The following ADGRB3 variants were observed in gnomAD, a reference collection of about 807,000 sequenced individuals.
ADGRB3 encodes adhesion G protein-coupled receptor B3, also known as brain-specific angiogenesis inhibitor 3.
Under a neutral mutation model 193.4 loss-of-function variants are expected in ADGRB3, and 37 were observed. The observed-to-expected ratio is 0.19, with a 90% CI of 0.15 to 0.25. The LOEUF (loss-of-function observed/expected upper bound fraction) is 0.25. ADGRB3 is among the 10% of genes least tolerant of loss of function. ADGRB3 has a pLI of 1.00. For missense variants in ADGRB3, 1,637 were observed against 1,852.9 expected (o/e 0.88, Z 2.14); for synonymous variants, 690 against 644.2 (o/e 1.07, Z -1.08).
intron 17 of ADGRB3, among the ~76,000 whole-genome samples, chr6:69,092,006 T>C (rs915753777): frequency 6.6e-6 from 1 of 152,194 alleles, no homozygotes; most frequent in Non-Finnish European, 1.5e-5. Flanking sequence ...ATGTGGCCCC[T>C]CTTCCTGAGC....
intron 3 of ADGRB3, among the ~76,000 whole-genome samples, chr6:68,811,100 A>G (rs1767504765): frequency 6.6e-6 from 1 of 152,122 alleles, no homozygotes; most frequent in African/African-American, 2.4e-5. Flanking sequence ...AGTCTTCCAA[A>G]GTTGATTAAA....
At chr6:68,671,938 T>C (rs1228911189) in intron 3 of ADGRB3, among the ~76,000 whole-genome samples, 1 of 151,976 alleles carries the variant, frequency 6.6e-6, no homozygotes, top group African/African-American at 2.4e-5. Flanking sequence ...GCTTCGATCT[T>C]GTTGTTTATT....
At chr6:69,372,347 G>T in intron 29 of ADGRB3, 59 bp from the exon 30 acceptor site, 1 of 964,360 alleles carries the variant, frequency 1.0e-6, no homozygotes, top group South Asian at 1.9e-5. Context: ...CATTTTGTTT[G>T]AATGACTAAA....
intron 3 of ADGRB3, among the ~76,000 whole-genome samples, chr6:68,730,627 TG>T (rs1414230136): frequency 6.6e-6 from 1 of 151,710 alleles, no homozygotes; most frequent in Admixed American, 6.6e-5. Context: ...TCTTGCTTTT[TG>T]GTCGTTGCTA....
intron 3 of ADGRB3, among the ~76,000 whole-genome samples, chr6:68,668,516 T>A (rs911337336): frequency 6.6e-5 from 10 of 152,006 alleles, no homozygotes; most frequent in African/African-American, 2.4e-4. Flanking sequence ...ATCAGTTTAA[T>A]GAAGAAATAT....
chr6:69,369,551 A>G (rs890421287), intron 29 of ADGRB3, among the ~76,000 whole-genome samples: 6 of 152,018 alleles, frequency 3.9e-5, no homozygotes, highest in Non-Finnish European at 8.8e-5. Flanking sequence ...TGCAAAACTT[A>G]ACCAGGTGTT....
intron 3 of ADGRB3, among the ~76,000 whole-genome samples, chr6:68,847,349 G>A: frequency 6.6e-6 from 1 of 152,170 alleles, no homozygotes; most frequent in East Asian, 1.9e-4. Flanking sequence ...GTTTTAAAAT[G>A]TGAGGACATG....
Position 68,659,234 on chromosome 6 carries a change from G to A in ADGRB3, c.757+19802G>A, listed in dbSNP as rs906651874. On this transcript the variant is annotated intron_variant, in intron 3 of 31. Transcript: ENST00000370598. ...TGATGCAATTTTTTTTAAATGATAA[G>A]TGATTCAATGTTTTGGGGATGTGAC... 1.2e-4 allele frequency among the ~76,000 whole-genome samples: 18 copies of A among 150,508 alleles called. No homozygotes were observed. In the Admixed American group the frequency reaches 1.2e-3, roughly 10 times the overall value.
At chr6:69,000,417 T>C (rs910148509) in intron 11 of ADGRB3, among the ~76,000 whole-genome samples, 10 of 152,220 alleles carry the variant, frequency 6.6e-5, no homozygotes, top group Non-Finnish European at 1.5e-4. Context: ...ATGTATGTTG[T>C]TGATGCACTA....
chr6:69,063,014 T>C lies in ADGRB3; in HGVS notation c.2414T>C (p.Ile805Thr). The change falls in exon 16 of 32, where the codon ATA (isoleucine) becomes ACA (threonine). Residue 805 changes from isoleucine (I) to threonine (T), a missense_variant. Coordinates refer to ENST00000370598, the MANE Select transcript of ADGRB3 (RefSeq NM_001704.3). ...AAAACAACCGATTCGTTTCTGGAGA[T>C]AGAACTAGCTCATTTGGCTAATGTA... ...EPKTTDSFLE[I>T]ELAHLANGTL... 1 of 1,611,912 alleles carries C rather than the reference T, an allele frequency of 6.2e-7. No homozygotes were observed. The highest frequency in any genetic ancestry group is 8.5e-7 in the Non-Finnish European group (1 of 1,178,470).
At chr6:68,842,204 A>C (rs910796984) in intron 3 of ADGRB3, among the ~76,000 whole-genome samples, 1 of 151,972 alleles carries the variant, frequency 6.6e-6, no homozygotes, top group African/African-American at 2.4e-5. Context: ...AATTGAAATG[A>C]AGAAAATAAT....
At chr6:68,763,406 A>T (rs1197949252) in intron 3 of ADGRB3, among the ~76,000 whole-genome samples, 1 of 152,158 alleles carries the variant, frequency 6.6e-6, no homozygotes, top group African/African-American at 2.4e-5. Context: ...TTTAACTGTT[A>T]TACTTTAATC....
chr6:69,020,104 GGTA>G (rs958859642), intron 13 of ADGRB3, among the ~76,000 whole-genome samples: 1 of 151,924 alleles, frequency 6.6e-6, no homozygotes, highest in African/African-American at 2.4e-5. Context: ...TTGGACAATT[GGTA>G]AAGTAATTTA....
chr6:69,021,472 G>C (rs1582399666), intron 13 of ADGRB3, among the ~76,000 whole-genome samples: 1 of 151,916 alleles, frequency 6.6e-6, no homozygotes, highest in East Asian at 1.9e-4. Context: ...CTAGTTACTG[G>C]ATTAGATAGA....
At chr6:69,300,951 G>T (rs1020141188) in intron 20 of ADGRB3, among the ~76,000 whole-genome samples, 7 of 151,754 alleles carry the variant, frequency 4.6e-5, no homozygotes, top group Admixed American at 1.3e-4. Flanking sequence ...GTGCAGAGAT[G>T]TAGGAAGAGT....
chr6:69,287,470 A>G (rs887048470), intron 20 of ADGRB3, among the ~76,000 whole-genome samples: 21 of 152,208 alleles, frequency 1.4e-4, no homozygotes, highest in African/African-American at 4.6e-4. Flanking sequence ...CTGAATCTAC[A>G]TGTAACAGAA....
intron 3 of ADGRB3, among the ~76,000 whole-genome samples, chr6:68,789,571 T>C (rs1767056680): frequency 6.6e-6 from 1 of 152,230 alleles, no homozygotes; most frequent in Non-Finnish European, 1.5e-5. Context: ...GACCTTTCTC[T>C]CTGGCTGCCC....
intron 3 of ADGRB3, among the ~76,000 whole-genome samples, chr6:68,714,236 A>G (rs971248950): frequency 8.6e-5 from 13 of 151,862 alleles, no homozygotes; most frequent in South Asian, 2.1e-4. Flanking sequence ...CACTACTTAT[A>G]TATTATTTTA....
intron 3 of ADGRB3, among the ~76,000 whole-genome samples, chr6:68,759,878 A>G (rs1159150361): frequency 1.3e-5 from 2 of 152,210 alleles, no homozygotes; most frequent in African/African-American, 4.8e-5. Flanking sequence ...TGGCATTACC[A>G]TATATTGTAA....
Sources: allele counts gnomAD v4.1 joint callset (sites outside exome capture counted in the v4.1 genomes callset), GRCh38; gene constraint gnomAD v4.1.1; transcripts MANE v1.5; gene names NCBI Gene and HGNC (gene_info 2026-07-23, HGNC 2026-07-21).